The following SHC4 variants were observed in gnomAD, a reference collection of about 807,000 sequenced individuals.
SHC4 encodes SHC adaptor protein 4.
SHC4 carries 41 observed loss-of-function variants against 69.4 expected under a neutral mutation model. The observed-to-expected ratio is 0.59, with a 90% CI of 0.46 to 0.77. The LOEUF (loss-of-function observed/expected upper bound fraction) is 0.77, where lower values mean the gene tolerates loss of function less well. Ranked by LOEUF, SHC4 falls within the 30% of genes least tolerant of loss-of-function variation. SHC4 has a pLI of 0.00. For missense variants in SHC4, 777 were observed against 783.8 expected (o/e 0.99, Z 0.10); for synonymous variants, 318 against 299.3 (o/e 1.06, Z -0.64).
intron 1 of SHC4, among the ~76,000 whole-genome samples, chr15:48,929,951 A>G (rs1223137344): frequency 1.3e-5 from 2 of 152,190 alleles, no homozygotes; most frequent in African/African-American, 4.8e-5. Context: ...GCTCCCAGGG[A>G]GAGGTGAACA....
intron 2 of SHC4, among the ~76,000 whole-genome samples, chr15:48,900,601 A>G (rs1900305170): frequency 1.3e-5 from 2 of 152,122 alleles, no homozygotes; most frequent in South Asian, 4.1e-4. Context: ...CCCTTTGCAC[A>G]CACAAGCAGT....
At chr15:48,935,532 T>A (rs1901052916) in intron 1 of SHC4, among the ~76,000 whole-genome samples, 1 of 152,204 alleles carries the variant, frequency 6.6e-6, no homozygotes, top group Non-Finnish European at 1.5e-5. Context: ...AACTGGACCA[T>A]TTGTAATGTG....
At chr15:48,934,863 T>C (rs1488833948) in intron 1 of SHC4, among the ~76,000 whole-genome samples, 2 of 152,182 alleles carry the variant, frequency 1.3e-5, no homozygotes, top group Admixed American at 6.6e-5. Context: ...CTGATTTTAT[T>C]TTATTTATGT....
chr15:48,898,552 CCAACCCAGCTCAG>C (rs1303403293), intron 2 of SHC4, among the ~76,000 whole-genome samples: 1 of 152,202 alleles, frequency 6.6e-6, no homozygotes, highest in Non-Finnish European at 1.5e-5. Flanking sequence ...CATTTGCTAG[CCAACCCAGCTCAG>C]CAACCATAGG....
intron 8 of SHC4, among the ~76,000 whole-genome samples, chr15:48,853,428 T>A (rs188306199): frequency 6.6e-6 from 1 of 152,128 alleles, no homozygotes; most frequent in African/African-American, 2.4e-5. Context: ...ACAGATCCAG[T>A]GCTATTCCAA....
intron 2 of SHC4, among the ~76,000 whole-genome samples, chr15:48,895,378 G>T (rs1900205476): frequency 6.6e-6 from 1 of 152,130 alleles, no homozygotes; most frequent in Non-Finnish European, 1.5e-5. Flanking sequence ...GGAGTCCTAG[G>T]CTCCAGAGAC....
At chr15:48,843,075 A>G (rs1899022919) in intron 10 of SHC4, among the ~76,000 whole-genome samples, 1 of 152,188 alleles carries the variant, frequency 6.6e-6, no homozygotes, top group African/African-American at 2.4e-5. Context: ...CAATCATTTC[A>G]TCTCCTCCTA....
chr15:48,901,648 T>G (rs566194049), intron 2 of SHC4, among the ~76,000 whole-genome samples: 7 of 152,324 alleles, frequency 4.6e-5, no homozygotes, highest in East Asian at 1.9e-4. Context: ...CTGTTAAAAT[T>G]TGATGGCTTT....
intron 1 of SHC4, among the ~76,000 whole-genome samples, chr15:48,951,904 C>A (rs141632528): frequency 2.6e-5 from 4 of 152,270 alleles, no homozygotes; most frequent in African/African-American, 7.2e-5. Flanking sequence ...TCCTACCACA[C>A]CTCCTCATGC....
intron 1 of SHC4, among the ~76,000 whole-genome samples, chr15:48,952,825 C>A (rs1233468932): frequency 1.3e-5 from 2 of 152,148 alleles, no homozygotes; most frequent in African/African-American, 4.8e-5. Flanking sequence ...GGTGGGAGTG[C>A]AAATAGTTCA....
At chr15:48,935,099 A>G (rs973346732) in intron 1 of SHC4, among the ~76,000 whole-genome samples, 1 of 152,232 alleles carries the variant, frequency 6.6e-6, no homozygotes, top group African/African-American at 2.4e-5. Context: ...CAATAAATCA[A>G]TTACCAAGAA....
In SHC4 at chr15:48,963,482, C is replaced by G. The variant is rs755192084; in HGVS notation, c.-467G>C. ...TTTCGAACCTGCTCCCTTCGGCTCT[C>G]ACAGGGCGGGGCAAATGACTGGCCT... On this transcript the variant is annotated 5_prime_UTR_variant, in exon 1 of 12. Coordinates refer to ENST00000332408, the MANE Select transcript of SHC4 (RefSeq NM_203349.4). 3.1e-5 allele frequency: 5 copies of G among 163,916 alleles called. No homozygotes were observed. Among genetic ancestry groups the G allele is most frequent in the Non-Finnish European group, 6.6e-5 (5 of 75,958 alleles). The allele number at this position is 163,916 out of a possible 1,614,324, so 10.2% of individuals were successfully genotyped here. A position where few individuals can be genotyped will look rare whatever the true frequency, so the allele number is the denominator to read the frequency against.
At chr15:48,918,985 A>C (rs920968137) in intron 2 of SHC4, among the ~76,000 whole-genome samples, 1 of 152,102 alleles carries the variant, frequency 6.6e-6, no homozygotes, top group Non-Finnish European at 1.5e-5. Flanking sequence ...TTTCAAATTC[A>C]ACAAGCCCCA....
chr15:48,962,148 C>A (rs1901555055), intron 1 of SHC4, among the ~76,000 whole-genome samples: 1 of 152,152 alleles, frequency 6.6e-6, no homozygotes, highest in Non-Finnish European at 1.5e-5. Context: ...CCATCAGCTG[C>A]CTCTATCAGA....
chr15:48,868,521 C>T (rs1007914821), intron 5 of SHC4, among the ~76,000 whole-genome samples: 2 of 152,166 alleles, frequency 1.3e-5, no homozygotes, highest in African/African-American at 2.4e-5. Context: ...ACCAACAAAA[C>T]GCTACTTGGT....
At chr15:48,943,300 C>T (rs972682981) in intron 1 of SHC4, among the ~76,000 whole-genome samples, 2 of 152,134 alleles carry the variant, frequency 1.3e-5, no homozygotes, top group Admixed American at 6.5e-5. Flanking sequence ...CTACTCTCTG[C>T]CTCTATATAT....
At chr15:48,864,258 T>A (rs1899510276) in intron 6 of SHC4, among the ~76,000 whole-genome samples, 1 of 152,016 alleles carries the variant, frequency 6.6e-6, no homozygotes, top group Non-Finnish European at 1.5e-5. Context: ...TCTCCATCAA[T>A]CTAAATATCT....
intron 2 of SHC4, among the ~76,000 whole-genome samples, chr15:48,906,524 A>G (rs1462232948): frequency 6.6e-6 from 1 of 151,468 alleles, no homozygotes; most frequent in African/African-American, 2.4e-5. Flanking sequence ...CCCCTTCTCA[A>G]TACAGGATTA....
chr15:48,931,041 C>T (rs145631655), intron 1 of SHC4, among the ~76,000 whole-genome samples: 1 of 152,310 alleles, frequency 6.6e-6, no homozygotes, highest in Non-Finnish European at 1.5e-5. Context: ...CCGCTGTCGA[C>T]CTTTACTCAA....
Sources: gnomAD v4.1 joint callset for allele counts (sites outside exome capture counted in the v4.1 genomes callset) on GRCh38, gnomAD v4.1.1 for gene constraint, MANE v1.5 for transcripts, NCBI Gene and HGNC (gene_info 2026-07-23, HGNC 2026-07-21) for gene names.